Variants in MGAT5 observed in about 807,000 individuals in gnomAD.
MGAT5 encodes the protein alpha-1,6-mannosylglycoprotein 6-beta-N-acetylglucosaminyltransferase A.
MGAT5 carries 30 observed loss-of-function variants against 94.3 expected under a neutral mutation model. The observed-to-expected ratio is 0.32, with a 90% CI of 0.24 to 0.43. The LOEUF is 0.43. MGAT5 is among the 20% of genes least tolerant of loss of function. The pLI, the probability that MGAT5 is intolerant of heterozygous loss-of-function variation, is 1.00. For synonymous variants in MGAT5, 310 were observed against 322.9 expected (o/e 0.96, Z 0.43); for missense variants, 691 against 905.5 (o/e 0.76, Z 3.04).
At chr2:134,316,447 G>A (rs1268381494) in intron 2 of MGAT5, among the ~76,000 whole-genome samples, 1 of 152,132 alleles carries the variant, frequency 6.6e-6, no homozygotes, top group Non-Finnish European at 1.5e-5. Context: ...TTGGAGCTTT[G>A]GAGAGTGGGT....
intron 2 of MGAT5, among the ~76,000 whole-genome samples, chr2:134,277,731 T>A (rs924541706): frequency 2.6e-5 from 4 of 152,236 alleles, no homozygotes; most frequent in Non-Finnish European, 5.9e-5. Flanking sequence ...ATATTTGGAA[T>A]ATTGACATAA....
intron 2 of MGAT5, among the ~76,000 whole-genome samples, chr2:134,300,971 A>G (rs1685981186): frequency 6.6e-6 from 1 of 152,116 alleles, no homozygotes; most frequent in Admixed American, 6.6e-5. Flanking sequence ...CACAGGCAAG[A>G]TAAGGAACAT....
At chr2:134,385,814 A>G (rs1681935970) in intron 10 of MGAT5, among the ~76,000 whole-genome samples, 1 of 152,222 alleles carries the variant, frequency 6.6e-6, no homozygotes, top group African/African-American at 2.4e-5. Flanking sequence ...TGGGAGGAGG[A>G]AGAAATGCAG....
intron 2 of MGAT5, among the ~76,000 whole-genome samples, chr2:134,296,857 A>T (rs746781820): frequency 6.6e-6 from 1 of 152,186 alleles, no homozygotes; most frequent in Non-Finnish European, 1.5e-5. Context: ...GAAATGACAC[A>T]ACTTTGATGA....
chr2:134,429,194 T>C (rs1270322662), intron 14 of MGAT5, among the ~76,000 whole-genome samples: 4 of 152,118 alleles, frequency 2.6e-5, no homozygotes, highest in African/African-American at 9.7e-5. Context: ...CTTTACACAA[T>C]AGGGGATGAG....
rs376687191 is a variant in MGAT5, at chr2:134,318,672, C to T, written c.506C>T (p.Ser169Leu). ...KIKWMKDMWR[S>L]DPCYADYGVD... ...CAGTGGATGAAAGACATGTGGCGTT[C>T]AGATCCCTGCTACGCAGACTATGGA... Residue 169 changes from serine to leucine, a missense_variant, in exon 4 of 16, where the codon TCA (serine) becomes TTA (leucine). This residue lies in a region of MGAT5 where 307 missense variants were observed against 335.4 expected (regional missense o/e 0.92). Transcript: ENST00000281923. 43 of 1,613,324 alleles carry T rather than the reference C, an allele frequency of 2.7e-5. No homozygotes were observed. The highest frequency in any genetic ancestry group is 2.8e-5 in the Non-Finnish European group (33 of 1,179,492).
At chr2:134,381,390 A>ATAAGATAAGATAAGATAGAT (rs1558841793) in intron 10 of MGAT5, among the ~76,000 whole-genome samples, 8 of 117,474 alleles carry the variant, frequency 6.8e-5, no homozygotes, top group East Asian at 2.7e-4. Flanking sequence ...GATTAGATAG[A>ATAAGATAAGATAAGATAGAT]TAGATAGATA....
intron 1 of MGAT5, among the ~76,000 whole-genome samples, chr2:134,167,275 A>G (rs945744064): frequency 2.6e-5 from 4 of 152,256 alleles, no homozygotes; most frequent in African/African-American, 9.6e-5. Context: ...AGGAATTAAA[A>G]ATAGAACAGT....
chr2:134,426,205 A>ACTTCCTTCCTTC (rs112848952), intron 13 of MGAT5, among the ~76,000 whole-genome samples: 2 of 135,992 alleles, frequency 1.5e-5, no homozygotes, highest in Non-Finnish European at 1.6e-5. Flanking sequence ...TGACTCACCG[A>ACTTCCTTCCTTC]CTTCCTTCCT....
chr2:134,194,785 C>A (rs1333513186), intron 1 of MGAT5, among the ~76,000 whole-genome samples: 1 of 151,994 alleles, frequency 6.6e-6, no homozygotes, highest in Non-Finnish European at 1.5e-5. Flanking sequence ...CCAAATCTGC[C>A]CTCACTTCAT....
intron 2 of MGAT5, among the ~76,000 whole-genome samples, chr2:134,309,308 T>C (rs1686513168): frequency 6.6e-6 from 1 of 152,242 alleles, no homozygotes; most frequent in Admixed American, 6.5e-5. Context: ...TGTGTAGTTA[T>C]GTTTTTATTC....
intron 1 of MGAT5, among the ~76,000 whole-genome samples, chr2:134,183,280 A>G (rs1294147481): frequency 6.6e-6 from 1 of 152,238 alleles, no homozygotes; most frequent in East Asian, 1.9e-4. Flanking sequence ...GGTTGCTTTC[A>G]TAATGAAGAA....
At chr2:134,407,353 C>T (rs1390617874) in intron 11 of MGAT5, among the ~76,000 whole-genome samples, 1 of 152,180 alleles carries the variant, frequency 6.6e-6, no homozygotes. Context: ...CCCATGCCAT[C>T]TAGATGGGGA....
chr2:134,349,276 T>TA (rs1179345947), intron 8 of MGAT5, among the ~76,000 whole-genome samples: 19 of 152,212 alleles, frequency 1.2e-4, no homozygotes, highest in African/African-American at 3.9e-4. Context: ...ATCAGATATA[T>TA]AAAAAAATAC....
chr2:134,187,967 G>C (rs1316929535), intron 1 of MGAT5, among the ~76,000 whole-genome samples: 2 of 152,234 alleles, frequency 1.3e-5, no homozygotes, highest in Middle Eastern at 3.2e-3. Flanking sequence ...TGGTGAAAGA[G>C]ACGGTGCTGA....
chr2:134,133,871 G>T (rs1420917069), intron 1 of MGAT5, among the ~76,000 whole-genome samples: 2 of 152,104 alleles, frequency 1.3e-5, no homozygotes, highest in African/African-American at 2.4e-5. Context: ...CTCTGTGGGG[G>T]TCTTCAAACT....
At chr2:134,266,116 G>A (rs989336493) in intron 1 of MGAT5, among the ~76,000 whole-genome samples, 9 of 139,598 alleles carry the variant, frequency 6.4e-5, no homozygotes, top group South Asian at 2.2e-4. Flanking sequence ...AGCTGAAATC[G>A]TGCCACTGCA....
chr2:134,204,607 A>AGGGCT (rs1679945868), intron 1 of MGAT5, among the ~76,000 whole-genome samples: 1 of 152,184 alleles, frequency 6.6e-6, no homozygotes, highest in Non-Finnish European at 1.5e-5. Context: ...AATGAAGGGC[A>AGGGCT]GTACCCCAGG....
intron 1 of MGAT5, among the ~76,000 whole-genome samples, chr2:134,177,190 A>G (rs576517025): frequency 2.9e-3 from 151 of 51,488 alleles, no homozygotes; most frequent in African/African-American, 0.019. Flanking sequence ...GTAATCTTGC[A>G]TCTAGTGTAA....
Sources: gnomAD v4.1 joint callset for allele counts (sites outside exome capture counted in the v4.1 genomes callset) on GRCh38, gnomAD v4.1.1 for gene constraint, gnomAD v4.1.1 regional missense constraint, MANE v1.5 for transcripts, NCBI Gene and HGNC (gene_info 2026-07-23, HGNC 2026-07-21) for gene names.